AIF1L: variants seen among roughly 807,000 people sequenced by gnomAD.
AIF1L encodes allograft inflammatory factor 1-like.
In AIF1L, 12 loss-of-function variants were observed where a neutral mutation model predicts 20.7. The ratio of observed to expected loss-of-function variants is 0.58; its 90% CI spans 0.37 to 0.94. The LOEUF is 0.94. Ranked by LOEUF, AIF1L falls within the 40% of genes least tolerant of loss-of-function variation. The pLI is 0.01. For missense variants in AIF1L, 173 were observed against 185.3 expected (o/e 0.93, Z 0.39); for synonymous variants, 76 against 65.1 (o/e 1.17, Z -0.81).
chr9:131,104,311 T>A (rs567138066), intron 2 of AIF1L, among the ~76,000 whole-genome samples: 1 of 152,106 alleles, frequency 6.6e-6, no homozygotes, highest in Non-Finnish European at 1.5e-5. Flanking sequence ...GTGGGTTAGA[T>A]TGTGTGAGGA....
Position 131,120,544 on chromosome 9 carries a change from T to C in AIF1L, c.*222T>C. On this transcript the variant is annotated 3_prime_UTR_variant, in exon 6 of 6. Transcript: ENST00000247291. ...GTCCCCTCCCTCTCTTCTTCCCTCCTTCCCCGCTCCCTGTGCAGAAGGGCT... is the reference window on the plus strand; with the variant it reads ...GTCCCCTCCCTCTCTTCTTCCCTCCCTCCCCGCTCCCTGTGCAGAAGGGCT... 2 of 484,074 alleles carry C rather than the reference T, an allele frequency of 4.1e-6. No individual in the cohort carries two copies. The highest frequency in any genetic ancestry group is 7.1e-5 in the East Asian group (2 of 28,136). 30.0% of individuals were successfully genotyped at this position (484,074 alleles called of 1,614,324 possible).
intron 2 of AIF1L, among the ~76,000 whole-genome samples, chr9:131,102,301 A>G (rs905126228): frequency 5.9e-5 from 9 of 152,008 alleles, no homozygotes; most frequent in African/African-American, 2.2e-4. Context: ...AGGGGTGTAT[A>G]TATCCCCTGC....
At chr9:131,102,245 T>C (rs1177096461) in intron 2 of AIF1L, among the ~76,000 whole-genome samples, 1 of 152,172 alleles carries the variant, frequency 6.6e-6, no homozygotes, top group East Asian at 1.9e-4. Context: ...ACATGTCATC[T>C]GCACTGGGAA....
intron 5 of AIF1L, among the ~76,000 whole-genome samples, chr9:131,118,535 G>A (rs538211780): frequency 2.2e-4 from 34 of 151,230 alleles, no homozygotes; most frequent in South Asian, 1.7e-3. Flanking sequence ...GAAACTTTCC[G>A]AGCCTTAGTT....
intron 2 of AIF1L, among the ~76,000 whole-genome samples, chr9:131,106,815 G>C (rs898354082): frequency 2.0e-5 from 3 of 151,600 alleles, no homozygotes; most frequent in Admixed American, 1.3e-4. Context: ...TGACATTGAG[G>C]CTGGGTGTGG....
At chr9:131,115,460 A>AG (rs1830989864) in intron 4 of AIF1L, among the ~76,000 whole-genome samples, 1 of 150,060 alleles carries the variant, frequency 6.7e-6, no homozygotes, top group South Asian at 2.1e-4. Flanking sequence ...AAAAAAAAAA[A>AG]AAAAAAAAAA....
chr9:131,099,222 C>T (rs554200655), intron 2 of AIF1L, among the ~76,000 whole-genome samples: 6 of 152,304 alleles, frequency 3.9e-5, no homozygotes, highest in East Asian at 1.9e-4. Context: ...GAAGATACTC[C>T]GCCCTGGCTC....
rs3832604 is a variant in AIF1L at position 131,122,474 on chromosome 9, G to GT, written c.*2162dup. The GT allele has an allele frequency of 0.26, 38,681 of 148,858 alleles. 5,013 individuals carry two copies. The highest frequency in any genetic ancestry group is 0.37 in the East Asian group (1,849 of 5,058). 9.2% of individuals were successfully genotyped at this position (148,858 alleles called of 1,614,324 possible). A position where few individuals can be genotyped will look rare whatever the true frequency, so the allele number is the denominator to read the frequency against. ...CTACCCCCACCCTGCCCTGTTTTTT[G>GT]TTTTTTTTTTCCCCAAGATCATTAG... On this transcript the variant is annotated 3_prime_UTR_variant, in exon 6 of 6. Transcript: ENST00000247291.
rs374920126 is a variant in AIF1L at position 131,111,592 on chromosome 9, T to G, written c.94-5T>G. 45 of 1,613,634 alleles carry G rather than the reference T, an allele frequency of 2.8e-5. No individual in the cohort carries two copies. In the African/African-American group the frequency reaches 5.6e-4, roughly 20 times the overall value. On this transcript the variant is annotated splice_polypyrimidine_tract_variant and splice_region_variant and intron_variant, in intron 2 of 5. Coordinates refer to ENST00000247291, the MANE Select transcript of AIF1L (RefSeq NM_031426.4). ...TTGCTCAGCACTGTCCTCTCACCTC[T>G]GTAGGAGTTTCTGTGTGACCAGAAG...
chr9:131,108,165 G>A (rs1198388021), intron 2 of AIF1L: 4 of 151,386 alleles, frequency 2.6e-5, no homozygotes, highest in African/African-American at 9.7e-5. Flanking sequence ...GATAGACCCA[G>A]GTTCGAAACC....
In AIF1L at chr9:131,121,358, G is replaced by A. The variant is rs1831134187; in HGVS notation, c.*1036G>A. ...CTTTACATCCTCCCATGTTGTCCTGGCATGTGCAGTATACACGGTCTAACT... is the reference window on the plus strand; with the variant it reads ...CTTTACATCCTCCCATGTTGTCCTGACATGTGCAGTATACACGGTCTAACT... On this transcript the variant is annotated 3_prime_UTR_variant, in exon 6 of 6. Coordinates refer to ENST00000247291, the MANE Select transcript of AIF1L (RefSeq NM_031426.4). The A allele has an allele frequency of 3.9e-6, 2 of 518,752 alleles. No individual in the cohort carries two copies. The highest frequency in any genetic ancestry group is 1.9e-5 in the African/African-American group (1 of 52,250). 32.1% of individuals were successfully genotyped at this position (518,752 alleles called of 1,614,324 possible).
chr9:131,099,960 C>G (rs1830602114), intron 2 of AIF1L, among the ~76,000 whole-genome samples: 1 of 152,082 alleles, frequency 6.6e-6, no homozygotes, highest in South Asian at 2.1e-4. Context: ...CTCCTGACCT[C>G]AGGTGATCTG....
intron 4 of AIF1L, among the ~76,000 whole-genome samples, chr9:131,114,983 C>T (rs899452152): frequency 2.6e-5 from 4 of 152,168 alleles, no homozygotes; most frequent in South Asian, 2.1e-4. Context: ...GTATGTCATT[C>T]GGCAGTTGAC....
chr9:131,120,923 T>C lies in AIF1L; in HGVS notation c.*601T>C, dbSNP rs1588114197. On this transcript the variant is annotated 3_prime_UTR_variant, in exon 6 of 6. Coordinates refer to ENST00000247291, the MANE Select transcript of AIF1L (RefSeq NM_031426.4). Reference sequence around the variant, plus strand: ...AGGTGGGAAGGAAAGGAGCTTGGCATTGGGAGCCCTTCAAGAAGGTACCAG... The same window carrying C: ...AGGTGGGAAGGAAAGGAGCTTGGCACTGGGAGCCCTTCAAGAAGGTACCAG... The C allele has an allele frequency of 4.0e-6, 2 of 502,570 alleles. No individual in the cohort carries two copies. The highest frequency in any genetic ancestry group is 3.9e-5 in the South Asian group (1 of 25,600). 31.1% of individuals were successfully genotyped at this position (502,570 alleles called of 1,614,324 possible).
chr9:131,120,951 G>A lies in AIF1L; in HGVS notation c.*629G>A. 1 of 515,058 alleles carries A rather than the reference G, an allele frequency of 1.9e-6. No individual in the cohort carries two copies. The highest frequency in any genetic ancestry group is 3.5e-6 in the Non-Finnish European group (1 of 283,296). 31.9% of individuals were successfully genotyped at this position (515,058 alleles called of 1,614,324 possible). A position where few individuals can be genotyped will look rare whatever the true frequency, so the allele number is the denominator to read the frequency against. ...GGAGCCCTTCAAGAAGGTACCAGAA[G>A]GAACCCTCCAGTCCTGCTCTCTGGC... On this transcript the variant is annotated 3_prime_UTR_variant, in exon 6 of 6. Coordinates refer to ENST00000247291, the MANE Select transcript of AIF1L (RefSeq NM_031426.4).
chr9:131,117,915 A>G lies in AIF1L; in HGVS notation c.362A>G (p.Lys121Arg). 6.2e-7 allele frequency: 1 copy of G among 1,608,684 alleles called. No individual in the cohort carries two copies. Among genetic ancestry groups the G allele is most frequent in the Non-Finnish European group, 8.5e-7 (1 of 1,177,254 alleles). Residue 121 changes from lysine to arginine, a missense_variant, in exon 5 of 6, where the codon AAG becomes AGG. Coordinates refer to ENST00000247291, the MANE Select transcript of AIF1L (RefSeq NM_031426.4). The part of the protein sequence containing the change: ...MMLGKRSAVL[K>R]LVMMFEGKAN... ...CTGGGGAAACGGTCGGCTGTCCTCA[A>G]GTTGTGAGTACCTCCTTCCTCCCTT...
chr9:131,102,818 C>T, intron 2 of AIF1L: 1 of 450,398 alleles, frequency 2.2e-6, no homozygotes, highest in East Asian at 7.0e-5. Flanking sequence ...AGGTCCTACG[C>T]CCCGGCATGG....
chr9:131,106,189 A>T (rs1253922114), intron 2 of AIF1L: 1 of 1,535,150 alleles, frequency 6.5e-7, no homozygotes, highest in African/African-American at 1.4e-5. Context: ...CCTCCTCAGT[A>T]CTGTGCAGGG....
rs1831114118 is a variant in AIF1L, at chr9:131,120,553, C to A, written c.*231C>A. ...CTCTCTTCTTCCCTCCTTCCCCGCT[C>A]CCTGTGCAGAAGGGCTGACATCAAA... is the stretch of plus-strand genomic sequence containing the variant. On this transcript the variant is annotated 3_prime_UTR_variant, in exon 6 of 6. Transcript: ENST00000247291. 1 of 482,134 alleles carries A rather than the reference C, an allele frequency of 2.1e-6. No individual in the cohort carries two copies. Among genetic ancestry groups the A allele is most frequent in the South Asian group, 3.5e-5 (1 of 28,732 alleles). 29.9% of individuals were successfully genotyped at this position (482,134 alleles called of 1,614,324 possible).
Sources: allele counts gnomAD v4.1 joint callset (sites outside exome capture counted in the v4.1 genomes callset), GRCh38; gene constraint gnomAD v4.1.1; transcripts MANE v1.5; gene names NCBI Gene and HGNC (gene_info 2026-07-23, HGNC 2026-07-21).